Variants in CLK3 observed in about 807,000 individuals in gnomAD.
CLK3 encodes CDC like kinase 3, also known as dual specificity protein kinase CLK3.
CLK3 carries 24 observed loss-of-function variants against 65.2 expected under a neutral mutation model. The observed-to-expected ratio is 0.37, with a 90% CI of 0.27 to 0.52. The LOEUF (loss-of-function observed/expected upper bound fraction) is 0.52. Ranked by LOEUF, CLK3 falls within the 20% of genes least tolerant of loss-of-function variation. The pLI, the probability that CLK3 is intolerant of heterozygous loss-of-function variation, is 0.92. For synonymous variants in CLK3, 252 were observed against 240.8 expected (o/e 1.05, Z -0.43); for missense variants, 506 against 660.0 (o/e 0.77, Z 2.56).
intron 6 of CLK3, 146 bp downstream of exon 6, chr15:74,625,164 C>A: frequency 1.6e-6 from 1 of 643,790 alleles, no homozygotes; most frequent in African/African-American, 1.8e-5. Context: ...TGCTGGAAGC[C>A]TTTAGACTGC....
In CLK3 at chr15:74,621,891, ACTT is replaced by A. The variant is rs2062106569; in HGVS notation, c.370-228_370-226del. On this transcript the variant is annotated intron_variant, in intron 3 of 12. Coordinates refer to ENST00000395066, the MANE Select transcript of CLK3 (RefSeq NM_001130028.2). The surrounding 1 kb of genome is among the most constrained non-coding windows in gnomAD (Gnocchi z 4.8). ...TCTTTACATACCTGTAGCTGTTTTT[ACTT>A]TTCTGTTTTTGAAGTCAGTTTGTGT... 1 of 584,434 alleles carries A rather than the reference ACTT, an allele frequency of 1.7e-6. No homozygotes were observed. The highest frequency in any genetic ancestry group is 1.6e-5 in the South Asian group (1 of 62,970). 36.2% of individuals were successfully genotyped at this position (584,434 alleles called of 1,614,324 possible).
At position 74,622,904 on chromosome 15, in the gene CLK3, T is replaced by A. The variant is rs1483986357; in HGVS notation, c.533+344T>A. Reference sequence around the variant, plus strand: ...GCTTGGAGCTGCTTCCTGTGATAACTTTTAGGTTCTTGGCTTAGCAAGGGG... The same window carrying A: ...GCTTGGAGCTGCTTCCTGTGATAACATTTAGGTTCTTGGCTTAGCAAGGGG... On this transcript the variant is annotated intron_variant, in intron 5 of 12. Coordinates refer to ENST00000395066, the MANE Select transcript of CLK3 (RefSeq NM_001130028.2). The surrounding 1 kb of genome is among the most constrained non-coding windows in gnomAD (Gnocchi z 4.6). Among the ~76,000 whole-genome samples the A allele has an allele frequency of 6.6e-6, 1 of 152,172 alleles. No individual in the cohort carries two copies. The highest frequency in any genetic ancestry group is 2.4e-5 in the African/African-American group (1 of 41,432).
Position 74,627,214 on chromosome 15 carries a change from C to A in CLK3, c.818-138C>A. The stretch of plus-strand genomic sequence containing the variant: ...AGAGGGAGGCCAGCACAGAGGCAGG[C>A]TGTAGTCCAGCTCCCTGCTGAGGTG... On this transcript the variant is annotated intron_variant, in intron 7 of 12. Coordinates refer to ENST00000395066, the MANE Select transcript of CLK3 (RefSeq NM_001130028.2). The surrounding 1 kb of genome is among the most constrained non-coding windows in gnomAD (Gnocchi z 4.3). The A allele has an allele frequency of 1.3e-6, 1 of 756,998 alleles. No individual in the cohort carries two copies. Among genetic ancestry groups the A allele is most frequent in the South Asian group, 1.5e-5 (1 of 68,826 alleles). The allele number at this position is 756,998 out of a possible 1,614,324, so 46.9% of individuals were successfully genotyped here. A position where few individuals can be genotyped will look rare whatever the true frequency, so the allele number is the denominator to read the frequency against.
At chr15:74,614,794 C>T (rs2062035542), upstream of CLK3, 1 of 152,196 alleles carries the variant, frequency 6.6e-6, no homozygotes, top group South Asian at 2.1e-4. Context: ...GGCGCCCCCG[C>T]GGAGCGGTCC....
At position 74,622,981 on chromosome 15, in the gene CLK3, C is replaced by A. The variant is rs1404236644; in HGVS notation, c.533+421C>A. 6.6e-6 allele frequency among the ~76,000 whole-genome samples: 1 copy of A among 152,216 alleles called. No individual in the cohort carries two copies. Among genetic ancestry groups the A allele is most frequent in the African/African-American group, 2.4e-5 (1 of 41,446 alleles). ...AGCATAAGTCCCATTCCCTGAGGGT[C>A]TGCCTGAGAGGCTGTGCAGATCTCA... is the stretch of plus-strand genomic sequence containing the variant. On this transcript the variant is annotated intron_variant, in intron 5 of 12. Coordinates refer to ENST00000395066, the MANE Select transcript of CLK3 (RefSeq NM_001130028.2). The surrounding 1 kb of genome is among the most constrained non-coding windows in gnomAD (Gnocchi z 4.6).
Position 74,630,134 on chromosome 15 carries a change from T to G in CLK3, c.*251T>G. ...CTGTTTGTAACCCCTGGTACCAGTG[T>G]GTCCATCTCCAGGCTCCTTGCCTTC... On this transcript the variant is annotated 3_prime_UTR_variant, in exon 13 of 13. Coordinates refer to ENST00000395066, the MANE Select transcript of CLK3 (RefSeq NM_001130028.2). 1 of 440,128 alleles carries G rather than the reference T, an allele frequency of 2.3e-6. No individual in the cohort carries two copies. Among genetic ancestry groups the G allele is most frequent in the Non-Finnish European group, 4.1e-6 (1 of 244,898 alleles). The allele number at this position is 440,128 out of a possible 1,614,324, so 27.3% of individuals were successfully genotyped here. A position where few individuals can be genotyped will look rare whatever the true frequency, so the allele number is the denominator to read the frequency against.
At position 74,627,045 on chromosome 15, in the gene CLK3, C is replaced by T. The variant is rs755190070; in HGVS notation, c.818-307C>T. ...AGAGGGAACCACCTCGAGGCTGTTG[C>T]TGTAGCTCTGCTGAGAGACAGGTGA... On this transcript the variant is annotated intron_variant, in intron 7 of 12. Coordinates refer to ENST00000395066, the MANE Select transcript of CLK3 (RefSeq NM_001130028.2). The surrounding 1 kb of genome is among the most constrained non-coding windows in gnomAD (Gnocchi z 4.3). The T allele has an allele frequency of 5.8e-6, 3 of 515,456 alleles. No individual in the cohort carries two copies. Among genetic ancestry groups the T allele is most frequent in the Non-Finnish European group, 1.1e-5 (3 of 266,238 alleles). 31.9% of individuals were successfully genotyped at this position (515,456 alleles called of 1,614,324 possible). A position where few individuals can be genotyped will look rare whatever the true frequency, so the allele number is the denominator to read the frequency against.
rs1379940708 is a variant in CLK3, at chr15:74,630,152, T to G, written c.*269T>G. 2.5e-6 allele frequency: 1 copy of G among 404,658 alleles called. No homozygotes were observed. Among genetic ancestry groups the G allele is most frequent in the Non-Finnish European group, 4.5e-6 (1 of 223,448 alleles). 25.1% of individuals were successfully genotyped at this position (404,658 alleles called of 1,614,324 possible). On this transcript the variant is annotated 3_prime_UTR_variant, in exon 13 of 13. Coordinates refer to ENST00000395066, the MANE Select transcript of CLK3 (RefSeq NM_001130028.2). Reference sequence around the variant, plus strand: ...ACCAGTGTGTCCATCTCCAGGCTCCTTGCCTTCCCCTTACCTGACCTTATT... The same window carrying G: ...ACCAGTGTGTCCATCTCCAGGCTCCGTGCCTTCCCCTTACCTGACCTTATT...
At position 74,628,677 on chromosome 15, in the gene CLK3, G is replaced by T; in HGVS notation, c.1199G>T (p.Arg400Leu). The T allele has an allele frequency of 6.2e-7, 1 of 1,611,746 alleles. No individual in the cohort carries two copies. Among genetic ancestry groups the T allele is most frequent in the South Asian group, 1.1e-5 (1 of 90,914 alleles). The change falls in exon 11 of 13, where the codon CGT becomes CTT. Residue 400 changes from arginine (R) to leucine (L), a missense_variant. By Grantham distance (102) the Arg-to-Leu change is moderately radical (BLOSUM62 -2). Around this residue, in one of 2 missense-constraint regions of CLK3, gnomAD observed 325 missense variants for 500.5 expected, o/e 0.65. Transcript: ENST00000395066. ...LGPIPSHMIH[R>L]TRKQKYFYKG... is the part of the protein sequence containing the mutation. The stretch of plus-strand genomic sequence containing the variant: ...CCCATCCCATCACACATGATCCACC[G>T]TACCAGGTAAGGACCCCAGTAGCCC...
chr15:74,620,400 C>G, intron 3 of CLK3, 175 bp downstream of exon 3: 1 of 878,506 alleles, frequency 1.1e-6, no homozygotes, highest in South Asian at 1.7e-5. Context: ...TCACAGGGTC[C>G]TGGCCTCTGT....
intron 7 of CLK3, among the ~76,000 whole-genome samples, chr15:74,626,822 A>G (rs1041587867): frequency 6.6e-6 from 1 of 152,128 alleles, no homozygotes; most frequent in Non-Finnish European, 1.5e-5. Context: ...CTGGAGGGGA[A>G]AGGCTTGCCT....
At chr15:74,618,975 G>T in intron 1 of CLK3, 1 of 514,636 alleles carries the variant, frequency 1.9e-6, no homozygotes, top group Non-Finnish European at 3.5e-6. Flanking sequence ...TGCTCTGCTG[G>T]GAGCTGTTTG....
At position 74,619,989 on chromosome 15, in the gene CLK3, C is replaced by T; in HGVS notation, c.153-20C>T. ...CAGCAAGGACCCAGCTGACCAGCGTCCCCATCCCCCTTTTGGCAGCCATGA... is the reference window on the plus strand; with the variant it reads ...CAGCAAGGACCCAGCTGACCAGCGTTCCCATCCCCCTTTTGGCAGCCATGA... On this transcript the variant is annotated intron_variant, in intron 2 of 12. Coordinates refer to ENST00000395066, the MANE Select transcript of CLK3 (RefSeq NM_001130028.2). 1 of 1,613,854 alleles carries T rather than the reference C, an allele frequency of 6.2e-7. No homozygotes were observed.
In CLK3 at chr15:74,621,522, CA is replaced by C. The variant is rs2062103333; in HGVS notation, c.370-597del. ...AAGGATGCCGTCTGGAGGCAGGTAGCAGCTTGGCTGTGAGTGGCAGCTGTCA... is the reference window on the plus strand; with the variant it reads ...AAGGATGCCGTCTGGAGGCAGGTAGCGCTTGGCTGTGAGTGGCAGCTGTCA... On this transcript the variant is annotated intron_variant, in intron 3 of 12. Coordinates refer to ENST00000395066, the MANE Select transcript of CLK3 (RefSeq NM_001130028.2). This position sits in a 1 kb window ranked among gnomAD's most constrained non-coding sequence, Gnocchi z 4.8. 1 of 165,212 alleles carries C rather than the reference CA, an allele frequency of 6.1e-6. No homozygotes were observed. Among genetic ancestry groups the C allele is most frequent in the African/African-American group, 2.4e-5 (1 of 41,776 alleles). 10.2% of individuals were successfully genotyped at this position (165,212 alleles called of 1,614,324 possible). A position where few individuals can be genotyped will look rare whatever the true frequency, so the allele number is the denominator to read the frequency against.
At chr15:74,616,069 A>C (rs2062057022) in intron 1 of CLK3, 171 bp downstream of exon 1, 1 of 507,814 alleles carries the variant, frequency 2.0e-6, no homozygotes, top group Non-Finnish European at 3.1e-6. Context: ...TCTGCCCCGG[A>C]GGGCGGTCAC....
chr15:74,615,705 G>A, upstream of CLK3: 1 of 1,239,022 alleles, frequency 8.1e-7, no homozygotes, highest in Non-Finnish European at 1.0e-6. Context: ...CGCCGGAGCG[G>A]AGAGGGCTGG....
intron 2 of CLK3, 124 bp downstream of exon 2, chr15:74,619,472 C>T: frequency 9.5e-7 from 1 of 1,048,658 alleles, no homozygotes; most frequent in Non-Finnish European, 1.4e-6. Flanking sequence ...GCCCTGTCCT[C>T]TTTGGGCTCC....
chr15:74,611,667 T>C (rs535896828), upstream of CLK3, among the ~76,000 whole-genome samples: 3 of 152,264 alleles, frequency 2.0e-5, no homozygotes, highest in South Asian at 6.2e-4. Context: ...ATGCCCAACT[T>C]TCCTATGCTC....
rs1408415297 is a variant in CLK3 at position 74,624,551 on chromosome 15, C to T, written c.534-351C>T. ...TGGGACAGCCTGGCCAGGGTTGGGG[C>T]TGCCTGGCCTATAGGTTAGGTCACT... On this transcript the variant is annotated intron_variant, in intron 5 of 12. Transcript: ENST00000395066. The surrounding 1 kb of genome is among the most constrained non-coding windows in gnomAD (Gnocchi z 4.2). The T allele has an allele frequency of 2.8e-5, 7 of 248,394 alleles. No individual in the cohort carries two copies. The highest frequency in any genetic ancestry group is 1.5e-4 in the African/African-American group (7 of 45,688). The allele number at this position is 248,394 out of a possible 1,614,324, so 15.4% of individuals were successfully genotyped here. A position where few individuals can be genotyped will look rare whatever the true frequency, so the allele number is the denominator to read the frequency against.
Sources: allele counts gnomAD v4.1 joint callset (sites outside exome capture counted in the v4.1 genomes callset), GRCh38; gene constraint gnomAD v4.1.1; regional missense constraint gnomAD v4.1.1; non-coding constraint Gnocchi (gnomAD v3.1); transcripts MANE v1.5; gene names NCBI Gene and HGNC (gene_info 2026-07-23, HGNC 2026-07-21).